AP3S1: variants seen among roughly 807,000 people sequenced by gnomAD.
The protein encoded by AP3S1 is adaptor related protein complex 3 subunit sigma 1.
A neutral mutation model predicts 21.3 loss-of-function variants in AP3S1; 12 were observed. The observed-to-expected ratio is 0.56, with a 90% CI of 0.36 to 0.91. The LOEUF (loss-of-function observed/expected upper bound fraction) is 0.91, where lower values mean the gene tolerates loss of function less well. Among genes scored for constraint, AP3S1 ranks in the 40% least tolerant of loss-of-function variants. The pLI is 0.01. For missense variants in AP3S1, 116 were observed against 225.0 expected (o/e 0.52, Z 3.10); for synonymous variants, 48 against 78.4 (o/e 0.61, Z 2.05).
intron 3 of AP3S1, among the ~76,000 whole-genome samples, chr5:115,881,898 C>G (rs914626776): frequency 5.3e-5 from 8 of 151,908 alleles, no homozygotes; most frequent in Non-Finnish European, 1.0e-4. Flanking sequence ...TTGTTTGTTC[C>G]TTTTCATTCT....
At chr5:115,852,531 A>G (rs1265369730) in intron 1 of AP3S1, among the ~76,000 whole-genome samples, 1 of 152,154 alleles carries the variant, frequency 6.6e-6, no homozygotes, top group Non-Finnish European at 1.5e-5. Flanking sequence ...CTAGAATTAT[A>G]TCATGGTTGT....
chr5:115,852,576 T>A (rs1295687768), intron 1 of AP3S1, among the ~76,000 whole-genome samples: 3 of 152,136 alleles, frequency 2.0e-5, no homozygotes, highest in African/African-American at 7.2e-5. Flanking sequence ...TAGATCATTT[T>A]TGTCAAACTA....
chr5:115,893,983 G>A (rs1750537872), intron 3 of AP3S1, among the ~76,000 whole-genome samples: 1 of 152,172 alleles, frequency 6.6e-6, no homozygotes, highest in Admixed American at 6.5e-5. Context: ...ATGCAAGTTG[G>A]AATTTAAGAG....
intron 1 of AP3S1, among the ~76,000 whole-genome samples, chr5:115,843,354 T>G (rs144743973): frequency 6.6e-6 from 1 of 152,382 alleles, no homozygotes; most frequent in Non-Finnish European, 1.5e-5. Context: ...GAGGTGTTAG[T>G]TGAAGTGAGA....
chr5:115,865,972 A>AT (rs1181846075), intron 1 of AP3S1, among the ~76,000 whole-genome samples: 1 of 151,916 alleles, frequency 6.6e-6, no homozygotes, highest in Non-Finnish European at 1.5e-5. Context: ...CTATTTTTGT[A>AT]TTTTTAGTAG....
chr5:115,895,579 T>A (rs1750693686), intron 4 of AP3S1, among the ~76,000 whole-genome samples: 1 of 152,220 alleles, frequency 6.6e-6, no homozygotes, highest in South Asian at 2.1e-4. Flanking sequence ...GGACTGATAC[T>A]GATCAACAGG....
intron 5 of AP3S1, among the ~76,000 whole-genome samples, chr5:115,912,360 G>A (rs960699241): frequency 1.3e-5 from 2 of 151,852 alleles, no homozygotes; most frequent in African/African-American, 4.8e-5. Context: ...TTATTATATA[G>A]CCTGAATAAA....
At chr5:115,904,008 G>A (rs758456893) in intron 5 of AP3S1, 2 of 151,982 alleles carry the variant, frequency 1.3e-5, no homozygotes, top group Admixed American at 6.6e-5. Context: ...CTTGAACCCC[G>A]GAGGTGGAGG....
At chr5:115,870,472 G>T (rs1748133502) in intron 3 of AP3S1, among the ~76,000 whole-genome samples, 1 of 152,124 alleles carries the variant, frequency 6.6e-6, no homozygotes, top group Non-Finnish European at 1.5e-5. Context: ...TGGAACTCAA[G>T]GTCAGTCATC....
chr5:115,846,928 T>C (rs977175798), intron 1 of AP3S1, among the ~76,000 whole-genome samples: 2 of 152,248 alleles, frequency 1.3e-5, no homozygotes, highest in African/African-American at 4.8e-5. Flanking sequence ...AGGTACATTA[T>C]AGGAAGTGCA....
chr5:115,845,571 T>G (rs1436754200), intron 1 of AP3S1, among the ~76,000 whole-genome samples: 1 of 152,088 alleles, frequency 6.6e-6, no homozygotes, highest in African/African-American at 2.4e-5. Context: ...CCATGGCTCA[T>G]GCCTGTAATC....
chr5:115,895,473 C>G (rs1424461452), intron 4 of AP3S1, among the ~76,000 whole-genome samples: 4 of 152,064 alleles, frequency 2.6e-5, no homozygotes. Flanking sequence ...TACATTTAAA[C>G]TGGATTTTTA....
intron 1 of AP3S1, among the ~76,000 whole-genome samples, chr5:115,844,026 T>G (rs77494997): frequency 0.054 from 8,254 of 152,200 alleles, 753 homozygotes; most frequent in African/African-American, 0.19. Flanking sequence ...CACTGGCCGT[T>G]TATAGGTGGA....
Position 115,873,186 on chromosome 5 carries a change from G to A in AP3S1, c.273+3058G>A, listed in dbSNP as rs1273232201. On this transcript the variant is annotated intron_variant, in intron 3 of 5. Transcript: ENST00000316788. ...GATGCTGTTGTTGATCTTCTTATGA[G>A]AAAGTAGTTCTATCTCCAAAGGGGA... is the stretch of plus-strand genomic sequence containing the variant. Among the ~76,000 whole-genome samples, 8 of 152,270 alleles carry A rather than the reference G, an allele frequency of 5.3e-5. No homozygotes were observed. The East Asian group carries it at 1.4e-3, about 26-fold the overall frequency.
chr5:115,881,287 A>G (rs1749261784), intron 3 of AP3S1, among the ~76,000 whole-genome samples: 1 of 152,126 alleles, frequency 6.6e-6, no homozygotes, highest in South Asian at 2.1e-4. Flanking sequence ...CAGTTTCTTC[A>G]TAGTGTCAAT....
intron 1 of AP3S1, among the ~76,000 whole-genome samples, chr5:115,856,988 C>T (rs1459231835): frequency 1.3e-5 from 2 of 152,168 alleles, no homozygotes; most frequent in Non-Finnish European, 2.9e-5. Flanking sequence ...CCACCACCAG[C>T]CGCTGGTAAC....
chr5:115,870,618 C>A (rs1275316278), intron 3 of AP3S1, among the ~76,000 whole-genome samples: 1 of 152,168 alleles, frequency 6.6e-6, no homozygotes, highest in Non-Finnish European at 1.5e-5. Flanking sequence ...CTTCTTTCTG[C>A]CTTTGAGCCT....
intron 5 of AP3S1, among the ~76,000 whole-genome samples, chr5:115,906,148 A>G (rs1427274165): frequency 2.0e-5 from 3 of 152,160 alleles, no homozygotes; most frequent in Non-Finnish European, 1.5e-5. Flanking sequence ...ACAGAGTAAG[A>G]CTCCGTCTCA....
intron 3 of AP3S1, among the ~76,000 whole-genome samples, chr5:115,883,244 T>C (rs1480308463): frequency 6.6e-6 from 1 of 152,132 alleles, no homozygotes; most frequent in Non-Finnish European, 1.5e-5. Context: ...CAGGTGCCTC[T>C]AGGGTATGAG....
Sources: allele counts gnomAD v4.1 joint callset (sites outside exome capture counted in the v4.1 genomes callset), GRCh38; gene constraint gnomAD v4.1.1; transcripts MANE v1.5; gene names NCBI Gene and HGNC (gene_info 2026-07-23, HGNC 2026-07-21).